Variants in ADGRV1 observed in about 807,000 individuals in gnomAD.
ADGRV1 encodes the protein adhesion G protein-coupled receptor V1.
ADGRV1 carries 359 observed loss-of-function variants against 596.2 expected under a neutral mutation model. That is an observed-to-expected ratio of 0.60 (90% confidence interval 0.55 to 0.66). The LOEUF is 0.66. Among genes scored for constraint, ADGRV1 ranks in the 30% least tolerant of loss-of-function variants. ADGRV1 has a pLI of 0.00. For missense variants in ADGRV1, 7,274 were observed against 7,575.6 expected, an observed-to-expected ratio of 0.96 and a Z score of 1.48; for synonymous variants, 2,681 against 2,679.2, an observed-to-expected ratio of 1.00 and a Z score of -0.02.
At chr5:90,692,269 A>T (rs1033291) in intron 31 of ADGRV1, among the ~76,000 whole-genome samples, 98,634 of 151,502 alleles carry the variant, frequency 0.65, 33,023 homozygotes, top group African/African-American at 0.79. Context: ...GATTTTTTTT[A>T]AAAAAGTTAT....
At chr5:90,569,619 C>T (rs1374685186) in intron 1 of ADGRV1, among the ~76,000 whole-genome samples, 3 of 150,330 alleles carry the variant, frequency 2.0e-5, no homozygotes, top group Admixed American at 6.6e-5. Flanking sequence ...GAGTCTATGT[C>T]CCTTTTCATC....
At chr5:91,149,365 A>G (rs1795823306) in intron 87 of ADGRV1, among the ~76,000 whole-genome samples, 1 of 152,218 alleles carries the variant, frequency 6.6e-6, no homozygotes, top group African/African-American at 2.4e-5. Flanking sequence ...CATGATAATT[A>G]GTGAGTCTCA....
At position 90,681,423 on chromosome 5, in the gene ADGRV1, C is replaced by T. The variant is rs1490072873; in HGVS notation, c.5633C>T (p.Pro1878Leu). ...PESLFVSGTE[P>L]EDGYSTVTLN... ...TCACTCTTTGTCAGTGGAACTGAAC[C>T]AGAAGATGGGTATAGCACTGTTACA... Residue 1878 changes from proline (P) to leucine (L), a missense_variant, in exon 27 of 90, where the codon CCA becomes CTA. Pro to Leu is a moderately conservative substitution (Grantham distance 98). This residue lies in a region of ADGRV1 where 3,643 missense variants were observed against 3,809.2 expected (regional missense o/e 0.96). Coordinates refer to ENST00000405460, the MANE Select transcript of ADGRV1 (RefSeq NM_032119.4). 1 of 1,613,666 alleles carries T rather than the reference C, an allele frequency of 6.2e-7. No individual in the cohort carries two copies. The highest frequency in any genetic ancestry group is 8.5e-7 in the Non-Finnish European group (1 of 1,179,766).
At position 90,915,432 on chromosome 5, in the gene ADGRV1, C is replaced by T. The variant is rs557132936; in HGVS notation, c.17857-49983C>T. On this transcript the variant is annotated intron_variant, in intron 83 of 89. Coordinates refer to ENST00000405460, the MANE Select transcript of ADGRV1 (RefSeq NM_032119.4). ...CCTGACTTTAGTATTACTTATTAAT[C>T]TCTGTGTCCTTTGGTCAGGAATTTG... is the stretch of plus-strand genomic sequence containing the variant. 3.3e-5 allele frequency among the ~76,000 whole-genome samples: 5 copies of T among 152,238 alleles called. No homozygotes were observed. The South Asian group carries it at 6.2e-4, about 19-fold the overall frequency.
chr5:91,127,406 A>G (rs775862561), intron 87 of ADGRV1, among the ~76,000 whole-genome samples: 13 of 151,998 alleles, frequency 8.6e-5, no homozygotes, highest in Non-Finnish European at 1.3e-4. Context: ...TAGGCATGGT[A>G]GTGTGCCTAT....
intron 87 of ADGRV1, among the ~76,000 whole-genome samples, chr5:91,137,266 G>T (rs1794717760): frequency 6.6e-6 from 1 of 151,724 alleles, no homozygotes; most frequent in Non-Finnish European, 1.5e-5. Flanking sequence ...TTTTCCATTC[G>T]ACTTTCATCA....
chr5:90,695,219 T>C (rs1202096505), intron 33 of ADGRV1, among the ~76,000 whole-genome samples: 1 of 152,158 alleles, frequency 6.6e-6, no homozygotes, highest in African/African-American at 2.4e-5. Context: ...TTAATCCTAA[T>C]GATAAATTTA....
At chr5:90,832,041 G>A (rs780724035) in intron 77 of ADGRV1, among the ~76,000 whole-genome samples, 8 of 152,176 alleles carry the variant, frequency 5.3e-5, no homozygotes, top group Non-Finnish European at 1.2e-4. Flanking sequence ...ACAAACATGA[G>A]AGTGCAGGTA....
rs936277075 is a variant in ADGRV1 at position 91,010,727 on chromosome 5, T to G, written c.18152+25205T>G. 2.0e-5 allele frequency among the ~76,000 whole-genome samples: 3 copies of G among 152,008 alleles called. No homozygotes were observed. The South Asian group carries it at 6.2e-4, about 31-fold the overall frequency. ...GTTAATCAAATTTGCATCCTAAGAA[T>G]CACTTTTCATTCATTTAAACTGTAT... On this transcript the variant is annotated intron_variant, in intron 85 of 89. Transcript: ENST00000405460.
At position 90,772,289 on chromosome 5, in the gene ADGRV1, T is replaced by C. The variant is rs183603472; in HGVS notation, c.12286-1897T>C. 4.4e-3 allele frequency among the ~76,000 whole-genome samples: 669 copies of C among 152,298 alleles called. 2 individuals are homozygous for C. Among genetic ancestry groups the C allele is most frequent in the African/African-American group, 0.015 (632 of 41,566 alleles). On this transcript the variant is annotated intron_variant, in intron 59 of 89. Transcript: ENST00000405460. The stretch of plus-strand genomic sequence containing the variant: ...AAAGTGTTGGAGAATTTGATTCACC[T>C]GATTTGTGCATTTCCAGCCGAGGTT...
rs190881606 is a variant in ADGRV1 at position 91,124,955 on chromosome 5, A to G, written c.18432+22615A>G. Among the ~76,000 whole-genome samples the G allele has an allele frequency of 6.7e-4, 102 of 152,326 alleles. 1 individual carries two copies. Among genetic ancestry groups the G allele is most frequent in the Non-Finnish European group, 1.0e-3 (71 of 68,026 alleles). ...GAGTCTCTAGAACTATACTGTTTGTATTTATAAGACAGAGGAGAAGGGATA... is the reference window on the plus strand; with the variant it reads ...GAGTCTCTAGAACTATACTGTTTGTGTTTATAAGACAGAGGAGAAGGGATA... On this transcript the variant is annotated intron_variant, in intron 87 of 89. Coordinates refer to ENST00000405460, the MANE Select transcript of ADGRV1 (RefSeq NM_032119.4).
At chr5:90,985,240 G>T in intron 84 of ADGRV1, 104 bp from the exon 85 acceptor site, 1 of 620,050 alleles carries the variant, frequency 1.6e-6, no homozygotes, top group Non-Finnish European at 2.6e-6. Flanking sequence ...TTATTAAGTA[G>T]ATCCTGGCCT....
chr5:90,641,361 T>A (rs921574932), intron 11 of ADGRV1, among the ~76,000 whole-genome samples: 1 of 152,190 alleles, frequency 6.6e-6, no homozygotes, highest in Admixed American at 6.5e-5. Flanking sequence ...TTTTCAGAAT[T>A]TGCATTTCAC....
chr5:91,164,193 TAATC>T lies in ADGRV1; in HGVS notation c.*297_*300del. The T allele has an allele frequency of 2.4e-6, 1 of 419,954 alleles. No homozygotes were observed. Among genetic ancestry groups the T allele is most frequent in the Non-Finnish European group, 4.5e-6 (1 of 223,022 alleles). The allele number at this position is 419,954 out of a possible 1,614,324, so 26.0% of individuals were successfully genotyped here. ...GGCTAACATTGTTTAATGAAAGTAA[TAATC>T]AATAAAGCAATAGAATCTATTTGGT... On this transcript the variant is annotated 3_prime_UTR_variant, in exon 90 of 90. Coordinates refer to ENST00000405460, the MANE Select transcript of ADGRV1 (RefSeq NM_032119.4).
intron 87 of ADGRV1, among the ~76,000 whole-genome samples, chr5:91,118,344 TC>T (rs1209147338): frequency 6.6e-6 from 1 of 151,910 alleles, no homozygotes; most frequent in Non-Finnish European, 1.5e-5. Context: ...TATTATGGGA[TC>T]TATTTAAACA....
intron 83 of ADGRV1, among the ~76,000 whole-genome samples, chr5:90,884,827 T>C (rs1225757641): frequency 6.6e-6 from 1 of 152,186 alleles, no homozygotes; most frequent in Non-Finnish European, 1.5e-5. Flanking sequence ...AAGTTCTACA[T>C]CTCAGTAAAT....
chr5:90,978,981 A>G (rs925845915), intron 84 of ADGRV1, among the ~76,000 whole-genome samples: 4 of 152,166 alleles, frequency 2.6e-5, no homozygotes, highest in Non-Finnish European at 5.9e-5. Flanking sequence ...TTTGGGTATT[A>G]TATTCTGATA....
intron 74 of ADGRV1, among the ~76,000 whole-genome samples, chr5:90,813,387 G>A (rs549229493): frequency 6.6e-6 from 1 of 152,112 alleles, no homozygotes; most frequent in South Asian, 2.1e-4. Context: ...TAGGGAAGTG[G>A]CAGAGGACTC....
intron 1 of ADGRV1, among the ~76,000 whole-genome samples, chr5:90,577,307 G>A (rs1290734946): frequency 1.3e-5 from 2 of 152,172 alleles, no homozygotes; most frequent in South Asian, 2.1e-4. Context: ...GTACAAGGAA[G>A]GGATCCATTT....
Sources: allele counts gnomAD v4.1 joint callset (sites outside exome capture counted in the v4.1 genomes callset), GRCh38; gene constraint gnomAD v4.1.1; regional missense constraint gnomAD v4.1.1; transcripts MANE v1.5; gene names NCBI Gene and HGNC (gene_info 2026-07-23, HGNC 2026-07-21).